Variants in TRPM3 observed in about 807,000 individuals in gnomAD.
The protein encoded by TRPM3 is long transient receptor potential channel 3.
A neutral mutation model predicts 181.2 loss-of-function variants in TRPM3; 77 were observed. The ratio of observed to expected loss-of-function variants is 0.42; its 90% confidence interval spans 0.35 to 0.51. The LOEUF is 0.51. Among genes scored for constraint, TRPM3 ranks in the 20% least tolerant of loss-of-function variants. The probability of loss-of-function intolerance (pLI) is 0.01; values close to 1 mark genes in which losing one functional copy is unlikely to be tolerated. For synonymous variants in TRPM3, 745 were observed against 796.4 expected, an observed-to-expected ratio of 0.94 and a Z score of 1.09; for missense variants, 1,759 against 2,196.7, an observed-to-expected ratio of 0.80 and a Z score of 3.98.
chr9:71,099,263 T>C (rs1291915472), intron 1 of TRPM3, among the ~76,000 whole-genome samples: 1 of 152,104 alleles, frequency 6.6e-6, no homozygotes, highest in East Asian at 1.9e-4. Context: ...TGGAGCCTCT[T>C]TTGTAAGGGC....
intron 1 of TRPM3, among the ~76,000 whole-genome samples, chr9:71,235,473 A>C (rs1057215670): frequency 5.9e-5 from 9 of 152,218 alleles, no homozygotes; most frequent in Non-Finnish European, 1.2e-4. Flanking sequence ...CTGGGTAATC[A>C]ATATATTTAT....
intron 1 of TRPM3, chr9:70,917,365 A>C (rs2096607767): frequency 1.3e-5 from 13 of 995,966 alleles, no homozygotes; most frequent in Non-Finnish European, 2.1e-5. Context: ...CCAAGAGTGA[A>C]AGGCCTTCAA....
chr9:70,640,825 G>A (rs1166015990), intron 9 of TRPM3, among the ~76,000 whole-genome samples, 165 bp from the exon 10 acceptor site: 1 of 152,026 alleles, frequency 6.6e-6, no homozygotes, highest in Non-Finnish European at 1.5e-5. Flanking sequence ...AACATTTTGG[G>A]TAACTCTTTG....
At chr9:70,859,661 C>T (rs2095475584) in intron 3 of TRPM3, among the ~76,000 whole-genome samples, 1 of 152,104 alleles carries the variant, frequency 6.6e-6, no homozygotes, top group Admixed American at 6.6e-5. Context: ...TTAATAAAAT[C>T]GTTTGGAGTC....
In TRPM3 at chr9:70,774,547, A is replaced by G. The variant is rs2080976965; in HGVS notation, c.1148+9558T>C. 2.0e-5 allele frequency: 3 copies of G among 152,152 alleles called. No homozygotes were observed. The South Asian group carries it at 6.2e-4, about 32-fold the overall frequency. 9.4% of individuals were successfully genotyped at this position (152,152 alleles called of 1,614,324 possible). A position where few individuals can be genotyped will look rare whatever the true frequency, so the allele number is the denominator to read the frequency against. ...ATGGGGGGTTGGCAACTCTAACCTC[A>G]TGTCATTCAAGGGTCAACTGTATTT... On this transcript the variant is annotated intron_variant, in intron 7 of 25. Transcript: ENST00000677713.
intron 3 of TRPM3, among the ~76,000 whole-genome samples, chr9:70,847,578 A>C (rs1400536273): frequency 6.6e-6 from 1 of 152,140 alleles, no homozygotes; most frequent in East Asian, 1.9e-4. Flanking sequence ...GAATTGAATG[A>C]TTTTATGGGA....
chr9:70,773,564 A>C lies in TRPM3; in HGVS notation c.1148+10541T>G, dbSNP rs542556183. ...TTCCTTTTATTCTTCTCTATGAAAC[A>C]CTGGGACAAATATAAGTGTCTCTAT... is the stretch of plus-strand genomic sequence containing the variant. On this transcript the variant is annotated intron_variant, in intron 7 of 25. Coordinates refer to ENST00000677713, the MANE Select transcript of TRPM3 (RefSeq NM_001366145.2). Among the ~76,000 whole-genome samples, 53 of 152,316 alleles carry C rather than the reference A, an allele frequency of 3.5e-4. No individual in the cohort carries two copies. The South Asian group carries it at 0.011, about 32-fold the overall frequency.
intron 4 of TRPM3, among the ~76,000 whole-genome samples, chr9:70,844,476 A>G (rs1589156911): frequency 6.6e-6 from 1 of 152,184 alleles, no homozygotes; most frequent in Non-Finnish European, 1.5e-5. Context: ...GAACCAAAAA[A>G]CAACAAAACA....
intron 1 of TRPM3, among the ~76,000 whole-genome samples, chr9:71,213,283 C>T (rs940889093): frequency 6.6e-6 from 1 of 151,746 alleles, no homozygotes; most frequent in South Asian, 2.1e-4. Context: ...ATATTATTCT[C>T]CTTTTGATTT....
chr9:70,641,239 C>T (rs992594054), intron 9 of TRPM3, among the ~76,000 whole-genome samples: 1 of 152,180 alleles, frequency 6.6e-6, no homozygotes, highest in African/African-American at 2.4e-5. Flanking sequence ...AAGTCTCAGA[C>T]CCTGTCCCCG....
chr9:71,261,871 T>A (rs1285907038), intron 1 of TRPM3, among the ~76,000 whole-genome samples: 1 of 152,164 alleles, frequency 6.6e-6, no homozygotes, highest in Non-Finnish European at 1.5e-5. Context: ...CTCCTTCCTC[T>A]GAAAGCTTCA....
At chr9:71,251,301 C>T (rs2082327567) in intron 1 of TRPM3, among the ~76,000 whole-genome samples, 1 of 152,126 alleles carries the variant, frequency 6.6e-6, no homozygotes, top group Non-Finnish European at 1.5e-5. Context: ...TATAATTCTT[C>T]ACTTCCTCAT....
intron 19 of TRPM3, among the ~76,000 whole-genome samples, chr9:70,607,209 T>A (rs2061315685): frequency 6.6e-6 from 1 of 152,180 alleles, no homozygotes; most frequent in African/African-American, 2.4e-5. Context: ...ATGAAGTGTG[T>A]CCTACCTTTC....
At chr9:71,073,333 C>T (rs2063020500) in intron 1 of TRPM3, among the ~76,000 whole-genome samples, 1 of 152,158 alleles carries the variant, frequency 6.6e-6, no homozygotes, top group Non-Finnish European at 1.5e-5. Context: ...AACTTCTTGG[C>T]TATCAAGGCC....
intron 1 of TRPM3, among the ~76,000 whole-genome samples, chr9:71,388,079 T>C (rs2092969796): frequency 6.6e-6 from 1 of 152,154 alleles, no homozygotes; most frequent in South Asian, 2.1e-4. Context: ...TAGTCAGGGA[T>C]TTCTGTGCCA....
intron 1 of TRPM3, among the ~76,000 whole-genome samples, chr9:71,436,822 A>T (rs1036619828): frequency 2.0e-5 from 3 of 152,214 alleles, no homozygotes; most frequent in African/African-American, 7.2e-5. Context: ...CAGAACTGAG[A>T]TAATAAATAC....
intron 1 of TRPM3, among the ~76,000 whole-genome samples, chr9:71,355,825 AAC>A (rs1368727259): frequency 7.6e-6 from 1 of 131,796 alleles, no homozygotes; most frequent in Non-Finnish European, 1.7e-5. Context: ...ACCACAGTAA[AAC>A]ACAAAATATT....
chr9:70,846,284 G>A, intron 4 of TRPM3, 94 bp downstream of exon 4: 1 of 1,171,488 alleles, frequency 8.5e-7, no homozygotes, highest in East Asian at 2.3e-5. Context: ...GATGAAGTGG[G>A]GTGATATAGA....
chr9:71,363,355 T>G (rs1446522584), intron 1 of TRPM3, among the ~76,000 whole-genome samples: 1 of 152,198 alleles, frequency 6.6e-6, no homozygotes, highest in Non-Finnish European at 1.5e-5. Flanking sequence ...GTGTGATTTT[T>G]TCCTAAGCCA....
Sources: allele counts gnomAD v4.1 joint callset (sites outside exome capture counted in the v4.1 genomes callset), GRCh38; gene constraint gnomAD v4.1.1; transcripts MANE v1.5; gene names NCBI Gene and HGNC (gene_info 2026-07-23, HGNC 2026-07-21).